TLK1: variants seen among roughly 807,000 people sequenced by gnomAD.
TLK1 encodes the protein serine/threonine-protein kinase tousled-like 1.
Under a neutral mutation model 105.3 loss-of-function variants are expected in TLK1, and 24 were observed. The observed-to-expected ratio is 0.23, with a 90% CI of 0.17 to 0.32. The LOEUF (loss-of-function observed/expected upper bound fraction) is 0.32, where lower values mean the gene tolerates loss of function less well. TLK1 is among the 10% of genes least tolerant of loss of function. TLK1 has a pLI of 1.00. For missense variants in TLK1, 558 were observed against 910.5 expected (o/e 0.61, Z 4.98); for synonymous variants, 321 against 310.4 (o/e 1.03, Z -0.36).
chr2:171,126,639 A>G (rs886886615), intron 1 of TLK1, among the ~76,000 whole-genome samples: 2 of 152,160 alleles, frequency 1.3e-5, no homozygotes, highest in African/African-American at 4.8e-5. Context: ...AAGGTGAAAA[A>G]GAGTTTTTTC....
At chr2:171,035,288 G>C (rs2105404247) in intron 11 of TLK1, among the ~76,000 whole-genome samples, 1 of 151,894 alleles carries the variant, frequency 6.6e-6, no homozygotes, top group South Asian at 2.1e-4. Context: ...GTTGCGGTGA[G>C]CCGAGATCTT....
At position 170,997,968 on chromosome 2, in the gene TLK1, G is replaced by C. The variant is rs10196202; in HGVS notation, c.1905-145C>G. 3,130 of 491,258 alleles carry C rather than the reference G, an allele frequency of 6.4e-3. 78 individuals carry two copies. The highest frequency in any genetic ancestry group is 0.053 in the African/African-American group (2,764 of 51,730). 30.4% of individuals were successfully genotyped at this position (491,258 alleles called of 1,614,324 possible). A position where few individuals can be genotyped will look rare whatever the true frequency, so the allele number is the denominator to read the frequency against. ...GTGAAAATCATCAACTGAACTTCTG[G>C]AGCATTTACATTCTTTTATCATTTA... On this transcript the variant is annotated intron_variant, in intron 18 of 20. Transcript: ENST00000431350.
chr2:171,059,729 A>AG (rs1319836285), intron 4 of TLK1, among the ~76,000 whole-genome samples: 2 of 152,150 alleles, frequency 1.3e-5, no homozygotes, highest in East Asian at 3.9e-4. Context: ...TGCGGGGAGT[A>AG]GGGGAGATGG....
At chr2:171,147,637 T>C (rs1691842848) in intron 1 of TLK1, among the ~76,000 whole-genome samples, 1 of 152,188 alleles carries the variant, frequency 6.6e-6, no homozygotes, top group Non-Finnish European at 1.5e-5. Flanking sequence ...AGGGACCAAA[T>C]ACTATCTGAA....
chr2:171,054,952 G>T (rs1687424711), intron 7 of TLK1, 131 bp downstream of exon 7: 1 of 464,030 alleles, frequency 2.2e-6, no homozygotes, highest in African/African-American at 2.0e-5. Context: ...TTTTTGTTTA[G>T]TAAGTTATCT....
chr2:171,139,831 G>C (rs1182579225), intron 1 of TLK1, among the ~76,000 whole-genome samples: 2 of 151,850 alleles, frequency 1.3e-5, no homozygotes, highest in Non-Finnish European at 2.9e-5. Context: ...GGGTGGGGTG[G>C]GGTGGAGTGG....
intron 2 of TLK1, among the ~76,000 whole-genome samples, chr2:171,111,490 T>C (rs955881630): frequency 6.6e-6 from 1 of 150,386 alleles, no homozygotes; most frequent in South Asian, 2.1e-4. Flanking sequence ...GAGGCTGAGA[T>C]AGAGGGACTG....
intron 11 of TLK1, among the ~76,000 whole-genome samples, chr2:171,041,588 G>A (rs535579098): frequency 1.5e-3 from 229 of 152,286 alleles, no homozygotes; most frequent in African/African-American, 4.8e-3. Context: ...TGTGAACTGC[G>A]CATGCAAGGG....
At chr2:171,075,605 AG>A (rs1413670585) in intron 3 of TLK1, among the ~76,000 whole-genome samples, 1 of 152,222 alleles carries the variant, frequency 6.6e-6, no homozygotes, top group African/African-American at 2.4e-5. Context: ...ACGTATAAAC[AG>A]ACATAACTGT....
chr2:171,225,015 G>T (rs1187989168), intron 1 of TLK1, among the ~76,000 whole-genome samples: 1 of 152,090 alleles, frequency 6.6e-6, no homozygotes, highest in Non-Finnish European at 1.5e-5. Flanking sequence ...ACAAAGGAAT[G>T]AATTTATTAT....
chr2:171,000,843 A>T (rs914626891), intron 18 of TLK1, among the ~76,000 whole-genome samples: 1 of 152,220 alleles, frequency 6.6e-6, no homozygotes, highest in East Asian at 1.9e-4. Flanking sequence ...CCCTTCTGCC[A>T]GGCTGTCTAA....
intron 11 of TLK1, among the ~76,000 whole-genome samples, chr2:171,030,238 T>TA (rs1163729031): frequency 5.9e-5 from 9 of 152,146 alleles, no homozygotes; most frequent in Admixed American, 1.3e-4. Flanking sequence ...TAACTAATTC[T>TA]AAAAAAGGAG....
chr2:171,032,795 C>T (rs1341063611), intron 11 of TLK1, among the ~76,000 whole-genome samples: 1 of 152,146 alleles, frequency 6.6e-6, no homozygotes, highest in Non-Finnish European at 1.5e-5. Flanking sequence ...ACAAATGATG[C>T]TGGGACAACT....
rs569081545 is a variant in TLK1 at position 171,228,573 on chromosome 2, A to T, written c.-6+2572T>A. Among the ~76,000 whole-genome samples the T allele has an allele frequency of 3.9e-5, 6 of 152,272 alleles. No homozygotes were observed. The East Asian group carries it at 9.6e-4, about 24-fold the overall frequency. ...CTCTAAAAAAACCCAAAGATAAATA[A>T]TATTTAGAACTCTTTTATTAAGTAG... is the stretch of plus-strand genomic sequence containing the variant. On this transcript the variant is annotated intron_variant, in intron 1 of 20. Transcript: ENST00000521943.
intron 10 of TLK1, among the ~76,000 whole-genome samples, chr2:171,049,198 G>A (rs1372309528): frequency 6.6e-6 from 1 of 152,014 alleles, no homozygotes; most frequent in African/African-American, 2.4e-5. Context: ...CTGAGTGGTG[G>A]GTTCAATTGT....
chr2:171,066,457 T>A (rs1341698769), intron 3 of TLK1, among the ~76,000 whole-genome samples: 1 of 152,212 alleles, frequency 6.6e-6, no homozygotes, highest in African/African-American at 2.4e-5. Flanking sequence ...ATACTTAAAG[T>A]ATGCCACCTC....
chr2:171,061,418 C>T (rs114529983), intron 3 of TLK1, among the ~76,000 whole-genome samples: 2,231 of 152,118 alleles, frequency 0.015, 48 homozygotes, highest in African/African-American at 0.051. Flanking sequence ...ATGAAAAATC[C>T]TAGAATAATT....
intron 1 of TLK1, among the ~76,000 whole-genome samples, chr2:171,141,539 C>CA (rs1271861836): frequency 6.6e-6 from 1 of 151,912 alleles, no homozygotes; most frequent in African/African-American, 2.4e-5. Flanking sequence ...TAAACACCCC[C>CA]ACTCCAACAA....
intron 17 of TLK1, 28 bp downstream of exon 17, chr2:171,006,446 A>G: frequency 7.5e-7 from 1 of 1,327,638 alleles, no homozygotes; most frequent in Non-Finnish European, 1.0e-6. Context: ...CTCAAGTTTA[A>G]AAAAAATTAG....
Sources: allele counts gnomAD v4.1 joint callset (sites outside exome capture counted in the v4.1 genomes callset), GRCh38; gene constraint gnomAD v4.1.1; transcripts MANE v1.5; gene names NCBI Gene and HGNC (gene_info 2026-07-23, HGNC 2026-07-21).